CPNE4: variants seen among roughly 807,000 people sequenced by gnomAD.
The protein encoded by CPNE4 is copine 4, also known as copine-4.
In CPNE4, 25 loss-of-function variants were observed where a neutral mutation model predicts 67.9. The observed-to-expected ratio is 0.37, with a 90% CI of 0.27 to 0.51. The LOEUF (loss-of-function observed/expected upper bound fraction) is 0.51. CPNE4 is among the 20% of genes least tolerant of loss of function. The pLI is 0.93. For missense variants in CPNE4, 464 were observed against 690.8 expected (o/e 0.67, Z 3.68); for synonymous variants, 242 against 244.9 (o/e 0.99, Z 0.11).
At chr3:131,661,533 G>A (rs999544567) in intron 7 of CPNE4, among the ~76,000 whole-genome samples, 3 of 152,066 alleles carry the variant, frequency 2.0e-5, no homozygotes, top group Non-Finnish European at 4.4e-5. Flanking sequence ...TGTACTCAGG[G>A]GTGCCATTTA....
At chr3:131,840,166 A>G (rs1403911650) in intron 2 of CPNE4, among the ~76,000 whole-genome samples, 1 of 152,176 alleles carries the variant, frequency 6.6e-6, no homozygotes, top group African/African-American at 2.4e-5. Context: ...TCAGCCTTAT[A>G]TCTTCTACTC....
intron 13 of CPNE4, 101 bp downstream of exon 13, chr3:131,552,335 GTGGA>G: frequency 2.2e-6 from 2 of 925,576 alleles, no homozygotes; most frequent in Non-Finnish European, 3.4e-6. Context: ...CAGAGATTCT[GTGGA>G]CAATCGTAAC....
chr3:131,948,358 T>A (rs1040305418), intron 1 of CPNE4, among the ~76,000 whole-genome samples: 1 of 152,220 alleles, frequency 6.6e-6, no homozygotes, highest in South Asian at 2.1e-4. Flanking sequence ...CCTGCCATCC[T>A]GTGAAGAAGG....
chr3:131,541,296 G>T (rs1368035186), intron 15 of CPNE4, among the ~76,000 whole-genome samples: 2 of 152,210 alleles, frequency 1.3e-5, no homozygotes, highest in Non-Finnish European at 2.9e-5. Flanking sequence ...CTCAGTAGGT[G>T]CAGGGATTTG....
chr3:131,759,564 G>A (rs1226399582), intron 2 of CPNE4, among the ~76,000 whole-genome samples: 1 of 152,014 alleles, frequency 6.6e-6, no homozygotes, highest in Non-Finnish European at 1.5e-5. Flanking sequence ...CTTAGGCCAA[G>A]CAAGAAAGAA....
intron 2 of CPNE4, among the ~76,000 whole-genome samples, chr3:131,854,614 C>G (rs1303447603): frequency 6.6e-6 from 1 of 151,840 alleles, no homozygotes; most frequent in Non-Finnish European, 1.5e-5. Context: ...GATAAACAAC[C>G]AACATTTTCA....
intron 1 of CPNE4, among the ~76,000 whole-genome samples, chr3:131,914,801 A>C (rs2089122270): frequency 6.6e-6 from 1 of 151,610 alleles, no homozygotes; most frequent in Admixed American, 6.6e-5. Context: ...ACATGGAAAA[A>C]CTCTGTCTCT....
chr3:131,937,299 G>A (rs970673946), intron 1 of CPNE4, among the ~76,000 whole-genome samples: 8 of 152,140 alleles, frequency 5.3e-5, no homozygotes, highest in Non-Finnish European at 1.0e-4. Context: ...CAAAACCATG[G>A]GGTATAAATC....
intron 2 of CPNE4, among the ~76,000 whole-genome samples, chr3:131,863,598 G>T (rs1267249986): frequency 2.0e-5 from 3 of 152,122 alleles, no homozygotes; most frequent in Non-Finnish European, 2.9e-5. Flanking sequence ...GTAGATTCTG[G>T]ATATTAGCCC....
intron 3 of CPNE4, among the ~76,000 whole-genome samples, chr3:131,713,387 A>G (rs145215235): frequency 1.4e-4 from 22 of 152,304 alleles, no homozygotes; most frequent in African/African-American, 5.3e-4. Context: ...ATGACTTTAC[A>G]TGAGATAAAT....
chr3:131,805,586 T>C (rs1045146103), intron 2 of CPNE4, among the ~76,000 whole-genome samples: 2 of 152,210 alleles, frequency 1.3e-5, no homozygotes, highest in Non-Finnish European at 2.9e-5. Flanking sequence ...TAACAGGGAC[T>C]GGAGTCATCT....
intron 3 of CPNE4, among the ~76,000 whole-genome samples, chr3:131,717,882 C>CT (rs72589199): frequency 0.065 from 3,455 of 53,192 alleles, 156 homozygotes; most frequent in East Asian, 0.12. Context: ...TCTTTTCTTT[C>CT]TTTCTTTCTT....
At chr3:131,800,408 C>A (rs2084058608) in intron 2 of CPNE4, among the ~76,000 whole-genome samples, 1 of 152,132 alleles carries the variant, frequency 6.6e-6, no homozygotes, top group African/African-American at 2.4e-5. Context: ...TTCTTAGCTC[C>A]TTGCAAGTGC....
intron 2 of CPNE4, among the ~76,000 whole-genome samples, chr3:131,835,790 A>G (rs748546420): frequency 2.2e-4 from 34 of 152,042 alleles, no homozygotes; most frequent in Non-Finnish European, 4.4e-4. Flanking sequence ...GGCACATGTC[A>G]ATGAAGAGGT....
chr3:131,905,380 A>C lies in CPNE4; in HGVS notation c.64T>G (p.Cys22Gly). 6.2e-7 allele frequency: 1 copy of C among 1,613,572 alleles called. No individual in the cohort carries two copies. Among genetic ancestry groups the C allele is most frequent in the Non-Finnish European group, 8.5e-7 (1 of 1,179,690 alleles). Reference protein sequence around the residue: ...ANTLGIFNSPCLTKVELRVAC... With the variant: ...ANTLGIFNSPGLTKVELRVAC... ...ACACGCAGCTCAACTTTGGTCAGGC[A>C]GGGGCTGTTAAAGATTCCCAGTGTG... is the stretch of plus-strand genomic sequence containing the variant. Residue 22 changes from cysteine to glycine, a missense_variant, in exon 2 of 16, where the codon TGC (cysteine) becomes GGC (glycine). By Grantham distance (159) the Cys-to-Gly change is radical. Transcript: ENST00000429747.
intron 1 of CPNE4, among the ~76,000 whole-genome samples, chr3:132,023,010 G>A (rs1201493922): frequency 2.0e-5 from 3 of 152,154 alleles, no homozygotes; most frequent in Non-Finnish European, 1.5e-5. Flanking sequence ...ATGCTATAAA[G>A]CATTCAGAGT....
At chr3:131,874,489 T>G (rs77430764) in intron 2 of CPNE4, among the ~76,000 whole-genome samples, 5,685 of 152,322 alleles carry the variant, frequency 0.037, 135 homozygotes, top group Middle Eastern at 0.075. Flanking sequence ...AGCCCAGGCC[T>G]GAAAACTCTC....
At position 131,763,194 on chromosome 3, in the gene CPNE4, C is replaced by T. The variant is rs548102872; in HGVS notation, c.181-39569G>A. Among the ~76,000 whole-genome samples the T allele has an allele frequency of 5.3e-5, 8 of 152,096 alleles. No homozygotes were observed. The South Asian group carries it at 8.3e-4, about 16-fold the overall frequency. Reference sequence around the variant, plus strand: ...CACAATGAGCTTTTCCTTTTCAAATCGGACAAGTAATAAAGTCTTATGATG... The same window carrying T: ...CACAATGAGCTTTTCCTTTTCAAATTGGACAAGTAATAAAGTCTTATGATG... On this transcript the variant is annotated intron_variant, in intron 2 of 15. Coordinates refer to ENST00000429747, the MANE Select transcript of CPNE4 (RefSeq NM_130808.3).
chr3:131,735,749 G>C (rs890701702), intron 2 of CPNE4, among the ~76,000 whole-genome samples: 3 of 152,174 alleles, frequency 2.0e-5, no homozygotes, highest in Non-Finnish European at 2.9e-5. Flanking sequence ...CATACTCCAT[G>C]CTTGGCAAAG....
Sources: gnomAD v4.1 joint callset for allele counts (sites outside exome capture counted in the v4.1 genomes callset) on GRCh38, gnomAD v4.1.1 for gene constraint, MANE v1.5 for transcripts, NCBI Gene and HGNC (gene_info 2026-07-23, HGNC 2026-07-21) for gene names.